EFR3B: variants seen among roughly 807,000 people sequenced by gnomAD.
The protein encoded by EFR3B is protein EFR3 homolog B.
A neutral mutation model predicts 104.7 loss-of-function variants in EFR3B; 64 were observed. That is an observed-to-expected ratio of 0.61 (90% CI 0.50 to 0.75). EFR3B has a LOEUF of 0.75. Among genes scored for constraint, EFR3B ranks in the 30% least tolerant of loss-of-function variants. EFR3B has a pLI of 0.00. For missense variants in EFR3B, 750 were observed against 1,078.5 expected, an observed-to-expected ratio of 0.70 and a Z score of 4.27; for synonymous variants, 385 against 417.9, an observed-to-expected ratio of 0.92 and a Z score of 0.96.
intron 19 of EFR3B, 84 bp from the exon 20 acceptor site, chr2:25,149,610 G>T: frequency 7.2e-7 from 1 of 1,380,070 alleles, no homozygotes; most frequent in South Asian, 1.2e-5. Context: ...ACAAGCAAGG[G>T]GCTGCCAGAG....
At chr2:25,140,026 T>C (rs541019706) in intron 16 of EFR3B, among the ~76,000 whole-genome samples, 2 of 152,178 alleles carry the variant, frequency 1.3e-5, no homozygotes, top group Non-Finnish European at 2.9e-5. Flanking sequence ...TAAAATACAT[T>C]AGCAAGCCAG....
chr2:25,045,540 A>C (rs892892019), intron 1 of EFR3B, among the ~76,000 whole-genome samples: 4 of 151,908 alleles, frequency 2.6e-5, no homozygotes, highest in African/African-American at 9.7e-5. Flanking sequence ...CCAGCACTTT[A>C]GGAGGCTGAG....
At chr2:25,134,969 T>C (rs1670479852) in intron 12 of EFR3B, among the ~76,000 whole-genome samples, 1 of 152,252 alleles carries the variant, frequency 6.6e-6, no homozygotes, top group South Asian at 2.1e-4. Context: ...AGCGCCATTA[T>C]TGCCAGGCTA....
chr2:25,077,575 C>T (rs1227539936), intron 1 of EFR3B, among the ~76,000 whole-genome samples: 1 of 152,230 alleles, frequency 6.6e-6, no homozygotes, highest in African/African-American at 2.4e-5. Context: ...AGGCGTGAGC[C>T]ACCATGCCTG....
Position 25,130,093 on chromosome 2 carries a change from A to C in EFR3B, c.754A>C (p.Ile252Leu), listed in dbSNP as rs1670288354. 6.4e-7 allele frequency: 1 copy of C among 1,551,794 alleles called. No homozygotes were observed. The highest frequency in any genetic ancestry group is 8.7e-7 in the Non-Finnish European group (1 of 1,147,014). Reference protein sequence around the residue: ...RAAFGNIKNAIKPVLIHLDNH... With the variant: ...RAAFGNIKNALKPVLIHLDNH... ...TGCCTTTGGCAACATCAAAAACGCC[A>C]TCAAGCCTGTTCTCATGTGAGTGCC... Residue 252 changes from isoleucine (I) to leucine (L), a missense_variant, in exon 7 of 23, where the codon ATC becomes CTC. Coordinates refer to ENST00000403714, the MANE Select transcript of EFR3B (RefSeq NM_014971.2). This position sits in a 1 kb window ranked among gnomAD's most constrained non-coding sequence, Gnocchi z 4.6.
intron 4 of EFR3B, among the ~76,000 whole-genome samples, chr2:25,112,620 C>T (rs1053808350): frequency 6.6e-6 from 1 of 152,264 alleles, no homozygotes; most frequent in African/African-American, 2.4e-5. Context: ...AAGGGACAGG[C>T]AATGGTAAAC....
chr2:25,074,522 G>A (rs966625055), intron 1 of EFR3B, among the ~76,000 whole-genome samples: 10 of 151,102 alleles, frequency 6.6e-5, no homozygotes, highest in Non-Finnish European at 8.8e-5. Flanking sequence ...CCAAGTTTGC[G>A]CCACTGCACT....
intron 1 of EFR3B, among the ~76,000 whole-genome samples, chr2:25,069,937 T>A (rs1247121659): frequency 1.3e-5 from 2 of 152,234 alleles, no homozygotes; most frequent in Non-Finnish European, 2.9e-5. Context: ...GACCTCGTGA[T>A]CTGCCTGCCT....
chr2:25,091,487 C>A, intron 2 of EFR3B, 86 bp downstream of exon 2: 3 of 1,276,738 alleles, frequency 2.3e-6, no homozygotes, highest in African/African-American at 1.5e-5. Context: ...AGGCCTCCTG[C>A]CGGGTGGGGA....
At position 25,145,060 on chromosome 2, in the gene EFR3B, C is replaced by G. The variant is rs762336276; in HGVS notation, c.2142+9C>G. ...GTCCGGAGAAGGAGGAGGTGAGTGT[C>G]CGTGCCACCGTCCTGGGGCAGCCCC... On this transcript the variant is annotated intron_variant, in intron 19 of 22. Coordinates refer to ENST00000403714, the MANE Select transcript of EFR3B (RefSeq NM_014971.2). 6 of 1,551,428 alleles carry G rather than the reference C, an allele frequency of 3.9e-6. No individual in the cohort carries two copies. In the Admixed American group the frequency reaches 9.8e-5, roughly 25 times the overall value.
intron 21 of EFR3B, 133 bp downstream of exon 21, chr2:25,152,153 A>G: frequency 4.7e-6 from 4 of 844,040 alleles, no homozygotes; most frequent in Non-Finnish European, 7.3e-6. Context: ...CCTGCCAGAC[A>G]TCAGGGCTTG....
chr2:25,068,850 C>T (rs1573177885), intron 1 of EFR3B, among the ~76,000 whole-genome samples: 4 of 151,424 alleles, frequency 2.6e-5, no homozygotes, highest in African/African-American at 9.7e-5. Flanking sequence ...AGGATGGTCT[C>T]TATCTCCTGA....
chr2:25,052,710 G>T (rs547345647), intron 1 of EFR3B, among the ~76,000 whole-genome samples: 31 of 151,846 alleles, frequency 2.0e-4, no homozygotes, highest in African/African-American at 7.5e-4. Flanking sequence ...TAACCATGTT[G>T]GTCAGGCTGA....
intron 1 of EFR3B, among the ~76,000 whole-genome samples, chr2:25,085,979 A>G (rs992913191): frequency 6.6e-6 from 1 of 151,804 alleles, no homozygotes; most frequent in Non-Finnish European, 1.5e-5. Flanking sequence ...CTCCTACCCC[A>G]TGTACTTTTT....
At chr2:25,052,787 G>A (rs1216528155) in intron 1 of EFR3B, among the ~76,000 whole-genome samples, 1 of 151,670 alleles carries the variant, frequency 6.6e-6, no homozygotes, top group Admixed American at 6.6e-5. Flanking sequence ...ACAGGCATGA[G>A]CCACTTTGCC....
At chr2:25,061,771 T>C (rs1462924252) in intron 1 of EFR3B, among the ~76,000 whole-genome samples, 8 of 151,682 alleles carry the variant, frequency 5.3e-5, no homozygotes, top group Non-Finnish European at 1.2e-4. Context: ...GCTGGGATTA[T>C]AGGCGTGAGC....
chr2:25,044,050 A>G (rs1355632061), intron 1 of EFR3B, among the ~76,000 whole-genome samples: 1 of 152,230 alleles, frequency 6.6e-6, no homozygotes, highest in Non-Finnish European at 1.5e-5. Flanking sequence ...AGAAAGGTGA[A>G]CTGGGGAATC....
chr2:25,120,356 A>AG (rs1389090237), intron 4 of EFR3B, among the ~76,000 whole-genome samples: 1 of 150,298 alleles, frequency 6.7e-6, no homozygotes, highest in East Asian at 2.0e-4. Context: ...ATCTCAAAAA[A>AG]AAACCCTGGC....
rs114192626 is a variant in EFR3B at position 25,097,131 on chromosome 2, T to A, written c.212+4001T>A. Reference sequence around the variant, plus strand: ...AGTGATGGTTCTCTCAGTAAAAAAATGTCCTAGAGTCAGAAGAGCCACTTA... The same window carrying A: ...AGTGATGGTTCTCTCAGTAAAAAAAAGTCCTAGAGTCAGAAGAGCCACTTA... On this transcript the variant is annotated intron_variant, in intron 3 of 22. Transcript: ENST00000403714. Among the ~76,000 whole-genome samples the A allele has an allele frequency of 4.6e-3, 696 of 152,282 alleles. 10 individuals are homozygous for A. The highest frequency in any genetic ancestry group is 0.016 in the African/African-American group (672 of 41,548).
Sources: gnomAD v4.1 joint callset for allele counts (sites outside exome capture counted in the v4.1 genomes callset) on GRCh38, gnomAD v4.1.1 for gene constraint, Gnocchi (gnomAD v3.1) non-coding constraint, MANE v1.5 for transcripts, NCBI Gene and HGNC (gene_info 2026-07-23, HGNC 2026-07-21) for gene names.